PTPRT: variants seen among roughly 807,000 people sequenced by gnomAD.
PTPRT encodes protein tyrosine phosphatase receptor type T.
PTPRT carries 56 observed loss-of-function variants against 176.8 expected under a neutral mutation model. That is an observed-to-expected ratio of 0.32 (90% CI 0.26 to 0.40). The LOEUF (loss-of-function observed/expected upper bound fraction) is 0.40. Among genes scored for constraint, PTPRT ranks in the 10% least tolerant of loss-of-function variants. PTPRT has a pLI of 1.00. For synonymous variants in PTPRT, 783 were observed against 739.0 expected, an observed-to-expected ratio of 1.06 and a Z score of -0.96; for missense variants, 1,540 against 1,908.2, an observed-to-expected ratio of 0.81 and a Z score of 3.60.
chr20:42,108,346 C>A (rs1183243857), intron 23 of PTPRT, among the ~76,000 whole-genome samples: 1 of 152,124 alleles, frequency 6.6e-6, no homozygotes, highest in Non-Finnish European at 1.5e-5. Context: ...AGCTGCATGA[C>A]CTCGGGCAAA....
At chr20:43,163,504 GGT>G (rs1250521152) in intron 1 of PTPRT, among the ~76,000 whole-genome samples, 1 of 152,128 alleles carries the variant, frequency 6.6e-6, no homozygotes, top group Non-Finnish European at 1.5e-5. Flanking sequence ...CAGGCGTGGT[GGT>G]GGGCGCCTAT....
At chr20:42,552,360 A>C (rs1601250647) in intron 7 of PTPRT, among the ~76,000 whole-genome samples, 1 of 152,232 alleles carries the variant, frequency 6.6e-6, no homozygotes, top group Non-Finnish European at 1.5e-5. Context: ...AAAATTCAGA[A>C]TCTAAAGATC....
chr20:43,100,500 C>G (rs545925249), intron 1 of PTPRT, among the ~76,000 whole-genome samples: 23 of 152,312 alleles, frequency 1.5e-4, no homozygotes, highest in Admixed American at 5.9e-4. Context: ...AGAACAGTCA[C>G]TAAGGAGGCA....
chr20:43,054,637 C>T (rs1470313406), intron 1 of PTPRT, among the ~76,000 whole-genome samples: 1 of 150,302 alleles, frequency 6.7e-6, no homozygotes, highest in South Asian at 2.1e-4. Flanking sequence ...TAGGCTTTTT[C>T]CTTCATTTCT....
intron 27 of PTPRT, among the ~76,000 whole-genome samples, chr20:42,094,729 A>G (rs1379241120): frequency 2.6e-5 from 4 of 152,116 alleles, no homozygotes; most frequent in Non-Finnish European, 5.9e-5. Context: ...ATCTCTACTA[A>G]ACATACAAAA....
At chr20:42,318,831 C>T (rs2057757985) in intron 11 of PTPRT, among the ~76,000 whole-genome samples, 1 of 152,144 alleles carries the variant, frequency 6.6e-6, no homozygotes. Flanking sequence ...ATTGAGACCC[C>T]CGAAGCCTTG....
At chr20:42,266,295 G>T (rs1233768207) in intron 13 of PTPRT, among the ~76,000 whole-genome samples, 1 of 152,096 alleles carries the variant, frequency 6.6e-6, no homozygotes, top group African/African-American at 2.4e-5. Flanking sequence ...ATGGGCATGG[G>T]GCATGGCCAA....
chr20:42,776,581 C>T (rs2077138927), intron 4 of PTPRT, among the ~76,000 whole-genome samples: 1 of 152,108 alleles, frequency 6.6e-6, no homozygotes, highest in Admixed American at 6.6e-5. Context: ...CTGCCAGCCT[C>T]CAGAACTGTG....
At chr20:42,873,845 A>T (rs538854477) in intron 2 of PTPRT, among the ~76,000 whole-genome samples, 1 of 152,324 alleles carries the variant, frequency 6.6e-6, no homozygotes, top group East Asian at 1.9e-4. Flanking sequence ...TTTATTTTTT[A>T]GAGACATCTC....
At chr20:42,691,658 C>A (rs891352266) in intron 6 of PTPRT, among the ~76,000 whole-genome samples, 1 of 152,194 alleles carries the variant, frequency 6.6e-6, no homozygotes, top group African/African-American at 2.4e-5. Context: ...GCTGCCTCTG[C>A]CCCTGCCGTA....
chr20:42,312,248 G>A (rs184230617), intron 12 of PTPRT, among the ~76,000 whole-genome samples: 11 of 152,234 alleles, frequency 7.2e-5, no homozygotes, highest in Admixed American at 2.6e-4. Flanking sequence ...AGCAGGGAAC[G>A]TGGGAGCCCC....
At chr20:42,697,250 A>G (rs1373861766) in intron 6 of PTPRT, among the ~76,000 whole-genome samples, 1 of 152,244 alleles carries the variant, frequency 6.6e-6, no homozygotes, top group African/African-American at 2.4e-5. Context: ...ATGTGGCTGA[A>G]TCTGTTTCAG....
intron 11 of PTPRT, among the ~76,000 whole-genome samples, chr20:42,330,272 A>C (rs887587669): frequency 5.9e-5 from 9 of 152,082 alleles, no homozygotes; most frequent in African/African-American, 2.2e-4. Context: ...GGAGTTCAAC[A>C]CTAGCCTCGC....
chr20:42,853,840 C>G (rs1049489797), intron 2 of PTPRT, among the ~76,000 whole-genome samples: 8 of 152,202 alleles, frequency 5.3e-5, no homozygotes, highest in African/African-American at 1.4e-4. Flanking sequence ...CGCCAGCAGG[C>G]TGACTTTAAT....
chr20:42,847,030 A>T (rs1190768236), intron 2 of PTPRT, among the ~76,000 whole-genome samples: 1 of 152,236 alleles, frequency 6.6e-6, no homozygotes, highest in Non-Finnish European at 1.5e-5. Flanking sequence ...TGATAATAAC[A>T]GTCTCCTTGT....
intron 1 of PTPRT, among the ~76,000 whole-genome samples, chr20:43,130,499 C>T (rs999961134): frequency 6.6e-6 from 1 of 152,038 alleles, no homozygotes; most frequent in Non-Finnish European, 1.5e-5. Context: ...ACCACACTCA[C>T]GAACAATGCA....
At chr20:43,119,912 G>T (rs2013194222) in intron 1 of PTPRT, among the ~76,000 whole-genome samples, 1 of 152,152 alleles carries the variant, frequency 6.6e-6, no homozygotes. Context: ...AGGCCACATG[G>T]GAGCTGACTG....
intron 1 of PTPRT, among the ~76,000 whole-genome samples, chr20:42,920,682 C>G (rs1979089858): frequency 6.6e-6 from 1 of 151,984 alleles, no homozygotes; most frequent in Non-Finnish European, 1.5e-5. Context: ...AAAGAATGCA[C>G]AAAGCAGAAT....
intron 11 of PTPRT, among the ~76,000 whole-genome samples, chr20:42,350,311 C>A (rs563202985): frequency 6.8e-6 from 1 of 146,952 alleles, no homozygotes; most frequent in Admixed American, 6.9e-5. Context: ...TCACTACACT[C>A]TTGGTCTTCC....
Sources: allele counts gnomAD v4.1 joint callset (sites outside exome capture counted in the v4.1 genomes callset), GRCh38; gene constraint gnomAD v4.1.1; transcripts MANE v1.5; gene names NCBI Gene and HGNC (gene_info 2026-07-23, HGNC 2026-07-21).